The following CDYL2 variants were observed in gnomAD, a reference collection of about 807,000 sequenced individuals.
CDYL2 encodes the protein chromodomain Y like 2.
Under a neutral mutation model 49.4 loss-of-function variants are expected in CDYL2, and 23 were observed. The observed-to-expected ratio is 0.47, with a 90% CI of 0.34 to 0.66. The LOEUF is 0.66. Among genes scored for constraint, CDYL2 ranks in the 30% least tolerant of loss-of-function variants. The pLI, the probability that CDYL2 is intolerant of heterozygous loss-of-function variation, is 0.01. For synonymous variants in CDYL2, 360 were observed against 268.8 expected, an observed-to-expected ratio of 1.34 and a Z score of -3.32; for missense variants, 678 against 656.4, an observed-to-expected ratio of 1.03 and a Z score of -0.36.
At position 80,624,923 on chromosome 16, in the gene CDYL2, A is replaced by G. The variant is rs766891935; in HGVS notation, c.835-3988T>C. Among the ~76,000 whole-genome samples the G allele has an allele frequency of 2.0e-5, 3 of 152,226 alleles. No individual in the cohort carries two copies. In the South Asian group the frequency reaches 6.2e-4, roughly 32 times the overall value. On this transcript the variant is annotated intron_variant, in intron 3 of 6. Coordinates refer to ENST00000570137, the MANE Select transcript of CDYL2 (RefSeq NM_152342.4). The stretch of plus-strand genomic sequence containing the variant: ...GCACAGAAAAACAGAGATGGAAAAT[A>G]TAACGGAGAGATTAAAGACAAGAAT...
intron 1 of CDYL2, among the ~76,000 whole-genome samples, chr16:80,763,538 G>C (rs894640291): frequency 2.0e-5 from 3 of 151,976 alleles, no homozygotes; most frequent in Admixed American, 6.6e-5. Flanking sequence ...CTTGAACCCA[G>C]AAGGCAGAGG....
intron 1 of CDYL2, among the ~76,000 whole-genome samples, chr16:80,750,786 G>A (rs112058479): frequency 2.6e-5 from 4 of 152,166 alleles, no homozygotes; most frequent in African/African-American, 4.8e-5. Flanking sequence ...TTGGGAGGCC[G>A]AGGCAGGCGG....
intron 1 of CDYL2, among the ~76,000 whole-genome samples, chr16:80,760,712 T>C (rs1041078527): frequency 6.6e-6 from 1 of 151,952 alleles, no homozygotes; most frequent in Non-Finnish European, 1.5e-5. Flanking sequence ...TATTATTGAC[T>C]GGGGGATAAA....
At chr16:80,782,373 C>A (rs1241919930) in intron 1 of CDYL2, among the ~76,000 whole-genome samples, 1 of 151,376 alleles carries the variant, frequency 6.6e-6, no homozygotes, top group African/African-American at 2.4e-5. Flanking sequence ...GAAGAAAAGG[C>A]CAAGACCAAG....
chr16:80,662,336 C>G (rs140232454), intron 2 of CDYL2, among the ~76,000 whole-genome samples: 287 of 152,278 alleles, frequency 1.9e-3, no homozygotes, highest in African/African-American at 6.7e-3. Context: ...TTAGTGAGAC[C>G]AGAGTCATTC....
intron 2 of CDYL2, among the ~76,000 whole-genome samples, chr16:80,645,567 G>C (rs1237595705): frequency 3.3e-5 from 5 of 152,270 alleles, no homozygotes; most frequent in Non-Finnish European, 7.4e-5. Context: ...CATTGTGGAA[G>C]ACAGTGTGGC....
intron 1 of CDYL2, among the ~76,000 whole-genome samples, chr16:80,776,647 A>G (rs1007140359): frequency 5.3e-5 from 8 of 150,600 alleles, no homozygotes; most frequent in African/African-American, 1.9e-4. Context: ...TTTAACGTAC[A>G]TTTGTATATT....
At chr16:80,632,934 G>T in intron 3 of CDYL2, 85 bp downstream of exon 3, 1 of 1,351,234 alleles carries the variant, frequency 7.4e-7, no homozygotes, top group Non-Finnish European at 1.0e-6. Flanking sequence ...CTCCCTGATG[G>T]AAGGAAGGAG....
intron 2 of CDYL2, among the ~76,000 whole-genome samples, chr16:80,633,853 T>G (rs1371229908): frequency 3.3e-5 from 5 of 152,176 alleles, no homozygotes; most frequent in Non-Finnish European, 7.3e-5. Context: ...ATATTAACAT[T>G]CACAAATGGC....
intron 1 of CDYL2, among the ~76,000 whole-genome samples, chr16:80,776,063 T>TATTAATTTG (rs1263728566): frequency 2.0e-5 from 3 of 151,938 alleles, no homozygotes; most frequent in Admixed American, 2.0e-4. Context: ...CAAACAATAA[T>TATTAATTTG]ATTAATTTGA....
chr16:80,680,581 T>C (rs907296166), intron 2 of CDYL2, among the ~76,000 whole-genome samples: 9 of 152,326 alleles, frequency 5.9e-5, no homozygotes, highest in African/African-American at 2.2e-4. Flanking sequence ...CCAGCTTTTC[T>C]GTACCGATGA....
intron 1 of CDYL2, among the ~76,000 whole-genome samples, chr16:80,756,048 AATTCATAATAGTGAT>A (rs1201383726): frequency 6.6e-6 from 1 of 152,214 alleles, no homozygotes; most frequent in Admixed American, 6.5e-5. Context: ...CACACATAAT[AATTCATAATAGTGAT>A]ATGGCCAAAA....
intron 4 of CDYL2, among the ~76,000 whole-genome samples, chr16:80,619,108 G>T (rs923399073): frequency 6.6e-6 from 1 of 152,088 alleles, no homozygotes; most frequent in African/African-American, 2.4e-5. Flanking sequence ...TCCTTGGCTT[G>T]AGGCTGCATG....
intron 2 of CDYL2, among the ~76,000 whole-genome samples, chr16:80,668,485 T>C (rs775323542): frequency 3.3e-5 from 5 of 151,146 alleles, no homozygotes; most frequent in African/African-American, 4.9e-5. Flanking sequence ...TGGTATGTAA[T>C]AAAGTACATA....
chr16:80,722,468 C>A (rs1425195383), intron 1 of CDYL2, among the ~76,000 whole-genome samples: 1 of 152,238 alleles, frequency 6.6e-6, no homozygotes, highest in African/African-American at 2.4e-5. Context: ...CCCAGCTCCT[C>A]TGGATGAGAC....
chr16:80,712,502 C>G (rs1339630692), intron 1 of CDYL2, among the ~76,000 whole-genome samples: 2 of 152,030 alleles, frequency 1.3e-5, no homozygotes, highest in African/African-American at 4.8e-5. Context: ...ACTGAACCCT[C>G]TCAGATGTGA....
intron 1 of CDYL2, among the ~76,000 whole-genome samples, chr16:80,742,904 T>A (rs1464704274): frequency 6.6e-6 from 1 of 150,922 alleles, no homozygotes; most frequent in African/African-American, 2.4e-5. Context: ...AAAGAATGGA[T>A]GGATGGATGG....
rs559498609 is a variant in CDYL2 at position 80,714,253 on chromosome 16, T to C, written c.25-29124A>G. Reference sequence around the variant, plus strand: ...CCTAAACTGCAAGCTGGGGGATACCTGTACCATCAGATACTTTTTAGGTTC... The same window carrying C: ...CCTAAACTGCAAGCTGGGGGATACCCGTACCATCAGATACTTTTTAGGTTC... On this transcript the variant is annotated intron_variant, in intron 1 of 6. Transcript: ENST00000570137. 9.9e-5 allele frequency among the ~76,000 whole-genome samples: 15 copies of C among 152,204 alleles called. No homozygotes were observed. The South Asian group carries it at 2.1e-3, about 21-fold the overall frequency.
At chr16:80,613,144 G>A (rs1023858063) in intron 4 of CDYL2, among the ~76,000 whole-genome samples, 2 of 151,944 alleles carry the variant, frequency 1.3e-5, no homozygotes, top group Admixed American at 1.3e-4. Context: ...AGTTATATGG[G>A]CACCCTAGAT....
Sources: gnomAD v4.1 joint callset for allele counts (sites outside exome capture counted in the v4.1 genomes callset) on GRCh38, gnomAD v4.1.1 for gene constraint, MANE v1.5 for transcripts, NCBI Gene and HGNC (gene_info 2026-07-23, HGNC 2026-07-21) for gene names.